MCTP2: variants seen among roughly 807,000 people sequenced by gnomAD.
MCTP2 encodes the protein multiple C2 and transmembrane domain containing 2, also known as multiple C2 and transmembrane domain-containing protein 2.
MCTP2 carries 132 observed loss-of-function variants against 111.6 expected under a neutral mutation model. The ratio of observed to expected loss-of-function variants is 1.18; its 90% CI spans 1.03 to 1.37. MCTP2 has a LOEUF of 1.37. Ranked by LOEUF, MCTP2 falls within the 40% of genes most tolerant of loss-of-function variation. The pLI is 0.00. For synonymous variants in MCTP2, 395 were observed against 387.7 expected (o/e 1.02, Z -0.22); for missense variants, 1,183 against 1,067.9 (o/e 1.11, Z -1.50).
chr15:94,279,942 C>CTAGAAAT (rs2074395279), intron 1 of MCTP2, among the ~76,000 whole-genome samples: 6 of 152,044 alleles, frequency 3.9e-5, no homozygotes, highest in African/African-American at 1.4e-4. Context: ...AGCTTGCATC[C>CTAGAAAT]CAGAAATAGT....
intron 19 of MCTP2, among the ~76,000 whole-genome samples, chr15:94,448,403 G>A (rs1004043079): frequency 2.0e-5 from 3 of 152,234 alleles, no homozygotes; most frequent in East Asian, 1.9e-4. Flanking sequence ...TTCTCTTAGC[G>A]AATGTGCATT....
At chr15:94,339,077 CAA>C (rs1046290461) in intron 4 of MCTP2, among the ~76,000 whole-genome samples, 26 of 152,062 alleles carry the variant, frequency 1.7e-4, no homozygotes, top group Non-Finnish European at 3.4e-4. Flanking sequence ...AAAAATTACT[CAA>C]AGAGCCCATT....
At chr15:94,234,434 C>T (rs1252704397) in intron 1 of MCTP2, among the ~76,000 whole-genome samples, 1 of 152,196 alleles carries the variant, frequency 6.6e-6, no homozygotes, top group Non-Finnish European at 1.5e-5. Context: ...CCGGCTTCCC[C>T]TCTCCCTGAG....
At chr15:94,439,796 C>G (rs2083673337) in intron 17 of MCTP2, among the ~76,000 whole-genome samples, 1 of 152,216 alleles carries the variant, frequency 6.6e-6, no homozygotes, top group Non-Finnish European at 1.5e-5. Flanking sequence ...TCAATATTGG[C>G]AGCCAACTGA....
intron 13 of MCTP2, among the ~76,000 whole-genome samples, chr15:94,384,913 C>T (rs2080368063): frequency 6.6e-6 from 1 of 152,088 alleles, no homozygotes; most frequent in African/African-American, 2.4e-5. Flanking sequence ...TTTTCATTGT[C>T]CCTGGTATCT....
intron 19 of MCTP2, among the ~76,000 whole-genome samples, chr15:94,451,587 A>G (rs1324654638): frequency 6.6e-6 from 1 of 152,238 alleles, no homozygotes; most frequent in African/African-American, 2.4e-5. Context: ...GTTAAGGGAA[A>G]ATAGAAGCAC....
intron 1 of MCTP2, among the ~76,000 whole-genome samples, chr15:94,243,871 GTATATATT>G: frequency 6.8e-6 from 1 of 146,612 alleles, no homozygotes; most frequent in East Asian, 2.1e-4. Context: ...ATACATATGT[GTATATATT>G]TATGTACACA....
At chr15:94,405,559 A>G (rs1343172179) in intron 17 of MCTP2, among the ~76,000 whole-genome samples, 2 of 152,214 alleles carry the variant, frequency 1.3e-5, no homozygotes, top group Non-Finnish European at 1.5e-5. Context: ...TTCCTCTACC[A>G]TGCGATTTAT....
At chr15:94,323,232 A>C (rs1030151129) in intron 4 of MCTP2, among the ~76,000 whole-genome samples, 2 of 152,180 alleles carry the variant, frequency 1.3e-5, no homozygotes, top group Non-Finnish European at 2.9e-5. Context: ...CAGGTTTAGC[A>C]ATGGTGTTGG....
intron 1 of MCTP2, among the ~76,000 whole-genome samples, chr15:94,250,915 T>G (rs768432628): frequency 6.6e-6 from 1 of 152,224 alleles, no homozygotes; most frequent in African/African-American, 2.4e-5. Context: ...AATGTCCTCA[T>G]AGTCAAGTTT....
At chr15:94,352,894 A>T (rs1280144722) in intron 8 of MCTP2, among the ~76,000 whole-genome samples, 2 of 152,204 alleles carry the variant, frequency 1.3e-5, no homozygotes, top group Non-Finnish European at 2.9e-5. Context: ...CAAACCTATC[A>T]AGTATGGAAG....
At chr15:94,474,670 C>G (rs1184148761) in intron 21 of MCTP2, among the ~76,000 whole-genome samples, 1 of 152,078 alleles carries the variant, frequency 6.6e-6, no homozygotes, top group East Asian at 1.9e-4. Flanking sequence ...ACCAGCCTGA[C>G]CAACATGGCG....
chr15:94,328,131 C>CTT (rs61495849), intron 4 of MCTP2, among the ~76,000 whole-genome samples: 1,694 of 138,746 alleles, frequency 0.012, 16 homozygotes, highest in Middle Eastern at 0.033. Flanking sequence ...TATTTCTTTT[C>CTT]TTTTTTTTTT....
At chr15:94,247,236 G>T (rs369662038) in intron 1 of MCTP2, among the ~76,000 whole-genome samples, 1 of 152,050 alleles carries the variant, frequency 6.6e-6, no homozygotes, top group African/African-American at 2.4e-5. Context: ...AGTTCAGAGG[G>T]CATTGGATGC....
chr15:94,372,515 C>T (rs141932965), intron 12 of MCTP2, among the ~76,000 whole-genome samples: 1 of 152,282 alleles, frequency 6.6e-6, no homozygotes, highest in Non-Finnish European at 1.5e-5. Flanking sequence ...AAGAGGTCAG[C>T]GATCGTGGCC....
rs2074561534 is a variant in MCTP2, at chr15:94,478,678, A to T, written c.2569-288A>T. On this transcript the variant is annotated intron_variant, in intron 22 of 22. Transcript: ENST00000357742. ...AGTTATTAAGCTTACTTATGGTTGA[A>T]AACTGGCACACACAAAACGAACATC... Among the ~76,000 whole-genome samples the T allele has an allele frequency of 2.6e-5, 4 of 152,230 alleles. No individual in the cohort carries two copies. The South Asian group carries it at 8.3e-4, about 32-fold the overall frequency.
Position 94,401,983 on chromosome 15 carries a change from G to A in MCTP2, c.2049G>A (p.Gln683=), listed in dbSNP as rs1176773633. The A allele has an allele frequency of 3.1e-6, 5 of 1,613,502 alleles. No individual in the cohort carries two copies. The African/African-American group carries it at 6.7e-5, about 22-fold the overall frequency. Residue 683 remains glutamine (Q), a synonymous_variant, in exon 17 of 23, where the codon CAG becomes CAA. Coordinates refer to ENST00000357742, the MANE Select transcript of MCTP2 (RefSeq NM_001385001.1). ...NTMQFLKSCF[Q]WESTLRSTIA... ...TGCAGTTCCTTAAAAGCTGCTTCCA[G>A]TGGGAATCCACATTAAGAAGTACAA... is the stretch of plus-strand genomic sequence containing the variant.
intron 1 of MCTP2, among the ~76,000 whole-genome samples, chr15:94,260,472 G>A (rs1341454753): frequency 6.6e-6 from 1 of 152,208 alleles, no homozygotes; most frequent in East Asian, 1.9e-4. Flanking sequence ...CCACAGAGTG[G>A]TTGGGAATAC....
intron 1 of MCTP2, among the ~76,000 whole-genome samples, chr15:94,240,545 A>G (rs942483063): frequency 5.3e-5 from 8 of 152,158 alleles, no homozygotes; most frequent in Admixed American, 2.6e-4. Context: ...CTCAGGCTCA[A>G]TGCAAAGGTG....
Sources: gnomAD v4.1 joint callset for allele counts (sites outside exome capture counted in the v4.1 genomes callset) on GRCh38, gnomAD v4.1.1 for gene constraint, MANE v1.5 for transcripts, NCBI Gene and HGNC (gene_info 2026-07-23, HGNC 2026-07-21) for gene names.